Variants in STAC observed in about 807,000 individuals in gnomAD.
The protein encoded by STAC is SH3 and cysteine rich domain, also known as SH3 and cysteine-rich domain-containing protein.
A neutral mutation model predicts 48.8 loss-of-function variants in STAC; 43 were observed. The observed-to-expected ratio is 0.88, with a 90% CI of 0.69 to 1.14. The LOEUF (loss-of-function observed/expected upper bound fraction) is 1.14. STAC is among the 50% of genes most tolerant of loss of function. The probability of loss-of-function intolerance (pLI) is 0.00; values close to 1 mark genes in which losing one functional copy is unlikely to be tolerated. For missense variants in STAC, 497 were observed against 504.0 expected (o/e 0.99, Z 0.13); for synonymous variants, 193 against 179.5 (o/e 1.07, Z -0.60).
chr3:36,437,036 C>G (rs1559490691), intron 1 of STAC, among the ~76,000 whole-genome samples: 1 of 151,930 alleles, frequency 6.6e-6, no homozygotes. Context: ...TGCTCACCAT[C>G]ACTGGCCATC....
chr3:36,522,782 G>A (rs1235756750), intron 8 of STAC, among the ~76,000 whole-genome samples: 1 of 152,180 alleles, frequency 6.6e-6, no homozygotes, highest in Non-Finnish European at 1.5e-5. Context: ...CATCTGGAGG[G>A]TGTCGTGTCT....
chr3:36,493,136 C>A lies in STAC; in HGVS notation c.688-15C>A, dbSNP rs1260524353. ...TAACATTGTTCATCCCATGCTCTTTCTTCTTTCCTCCAAGACTTCAGATCT... is the reference window on the plus strand; with the variant it reads ...TAACATTGTTCATCCCATGCTCTTTATTCTTTCCTCCAAGACTTCAGATCT... On this transcript the variant is annotated splice_polypyrimidine_tract_variant and intron_variant, in intron 5 of 10. Transcript: ENST00000273183. 6.2e-7 allele frequency: 1 copy of A among 1,605,124 alleles called. No homozygotes were observed. The highest frequency in any genetic ancestry group is 8.5e-7 in the Non-Finnish European group (1 of 1,175,110).
Position 36,450,902 on chromosome 3 carries a change from T to C in STAC, c.388+7262T>C, listed in dbSNP as rs542692495. Among the ~76,000 whole-genome samples the C allele has an allele frequency of 3.0e-4, 46 of 152,326 alleles. 1 individual carries two copies. In the South Asian group the frequency reaches 9.3e-3, roughly 31 times the overall value. On this transcript the variant is annotated intron_variant, in intron 2 of 10. Coordinates refer to ENST00000273183, the MANE Select transcript of STAC (RefSeq NM_003149.3). ...AAGATTTCCACCTTAGTTTTTTTCA[T>C]GTTTGTTTGATAGGCCTTTATCTAC...
At chr3:36,534,708 T>A (rs1699156540) in intron 10 of STAC, among the ~76,000 whole-genome samples, 1 of 152,082 alleles carries the variant, frequency 6.6e-6, no homozygotes, top group African/African-American at 2.4e-5. Context: ...TTCCTCCTCC[T>A]CCTTGTTGTT....
At chr3:36,428,233 A>G (rs1177289382) in intron 1 of STAC, among the ~76,000 whole-genome samples, 3 of 152,210 alleles carry the variant, frequency 2.0e-5, no homozygotes, top group South Asian at 4.1e-4. Flanking sequence ...TTAATTTACT[A>G]TGTTGTATTT....
At chr3:36,535,666 T>G (rs1268078197) in intron 10 of STAC, among the ~76,000 whole-genome samples, 1 of 152,162 alleles carries the variant, frequency 6.6e-6, no homozygotes, top group Non-Finnish European at 1.5e-5. Context: ...TTATTGAGAG[T>G]TTTTAAAATG....
intron 2 of STAC, among the ~76,000 whole-genome samples, chr3:36,454,061 CTG>C (rs1305130922): frequency 2.0e-5 from 3 of 152,156 alleles, no homozygotes; most frequent in Non-Finnish European, 1.5e-5. Context: ...AACAGACCCT[CTG>C]GGCTCTACCA....
chr3:36,523,987 G>C (rs1255291413), intron 8 of STAC, among the ~76,000 whole-genome samples: 3 of 152,200 alleles, frequency 2.0e-5, no homozygotes, highest in Non-Finnish European at 4.4e-5. Context: ...GTGGGAGTCA[G>C]GGTAACAGGA....
intron 1 of STAC, among the ~76,000 whole-genome samples, chr3:36,413,723 T>C (rs1700249734): frequency 6.6e-6 from 1 of 152,186 alleles, no homozygotes. Context: ...CATTATGATG[T>C]TAGCTGGTTA....
At chr3:36,533,326 T>C (rs576450456) in intron 10 of STAC, among the ~76,000 whole-genome samples, 178 of 152,306 alleles carry the variant, frequency 1.2e-3, no homozygotes, top group South Asian at 4.4e-3. Flanking sequence ...TTTTCCCAGC[T>C]TGATTCCATG....
intron 6 of STAC, among the ~76,000 whole-genome samples, chr3:36,494,617 C>A (rs961680032): frequency 1.3e-5 from 2 of 152,180 alleles, no homozygotes; most frequent in African/African-American, 4.8e-5. Flanking sequence ...GATTTTCCTT[C>A]CTAAATAAGT....
chr3:36,470,752 C>T (rs1697310644), intron 2 of STAC, among the ~76,000 whole-genome samples: 1 of 152,212 alleles, frequency 6.6e-6, no homozygotes, highest in Non-Finnish European at 1.5e-5. Flanking sequence ...GCAAGCTAGT[C>T]CTGCCTCCTG....
At chr3:36,515,227 TAACAATGGTTTTAAGACAA>T (rs1270393736) in intron 8 of STAC, among the ~76,000 whole-genome samples, 1 of 152,056 alleles carries the variant, frequency 6.6e-6, no homozygotes, top group Non-Finnish European at 1.5e-5. Flanking sequence ...CATTCACAAA[TAACAATGGTTTTAAGACAA>T]CTTGGAAGAA....
intron 8 of STAC, among the ~76,000 whole-genome samples, chr3:36,515,270 T>C (rs543181299): frequency 1.3e-5 from 2 of 152,204 alleles, no homozygotes; most frequent in Admixed American, 1.3e-4. Context: ...CTGCTAAGCC[T>C]TTACTGAAGC....
intron 1 of STAC, among the ~76,000 whole-genome samples, chr3:36,421,053 TA>T (rs1262243203): frequency 7.9e-5 from 12 of 152,352 alleles, no homozygotes; most frequent in African/African-American, 2.9e-4. Flanking sequence ...TGAAGAGATC[TA>T]AGATTTCTTT....
rs1699448970 is a variant in STAC at position 36,546,417 on chromosome 3, CA to C, written c.*130del. ...CCCCAGGAAACAGTGAGACAAGAAT[CA>C]AGTATCTGAGACTGTGGAGTAATAG... On this transcript the variant is annotated 3_prime_UTR_variant, in exon 11 of 11. Coordinates refer to ENST00000273183, the MANE Select transcript of STAC (RefSeq NM_003149.3). 3.9e-6 allele frequency: 3 copies of C among 771,986 alleles called. No homozygotes were observed. Among genetic ancestry groups the C allele is most frequent in the East Asian group, 2.6e-5 (1 of 38,618 alleles). The allele number at this position is 771,986 out of a possible 1,614,324, so 47.8% of individuals were successfully genotyped here. A position where few individuals can be genotyped will look rare whatever the true frequency, so the allele number is the denominator to read the frequency against.
At chr3:36,431,664 A>G (rs145655381) in intron 1 of STAC, among the ~76,000 whole-genome samples, 2,611 of 152,260 alleles carry the variant, frequency 0.017, 39 homozygotes, top group Non-Finnish European at 0.026. Context: ...AATTTACTGA[A>G]GAATTTGAGG....
rs531933201 is a variant in STAC at position 36,520,383 on chromosome 3, C to T, written c.921-8313C>T. On this transcript the variant is annotated intron_variant, in intron 8 of 10. Transcript: ENST00000273183. Reference sequence around the variant, plus strand: ...CAACTGTGACTTATCCAAAGATAGGCAGTGGGCCAGTGGCAGACTCAAAAA... The same window carrying T: ...CAACTGTGACTTATCCAAAGATAGGTAGTGGGCCAGTGGCAGACTCAAAAA... 2.6e-5 allele frequency among the ~76,000 whole-genome samples: 4 copies of T among 152,290 alleles called. No individual in the cohort carries two copies. The South Asian group carries it at 8.3e-4, about 32-fold the overall frequency.
At chr3:36,509,976 A>G (rs1051768374) in intron 8 of STAC, among the ~76,000 whole-genome samples, 2 of 152,188 alleles carry the variant, frequency 1.3e-5, no homozygotes, top group African/African-American at 4.8e-5. Flanking sequence ...TAATGAAACT[A>G]AAGAGTTTGT....
Sources: gnomAD v4.1 joint callset for allele counts (sites outside exome capture counted in the v4.1 genomes callset) on GRCh38, gnomAD v4.1.1 for gene constraint, MANE v1.5 for transcripts, NCBI Gene and HGNC (gene_info 2026-07-23, HGNC 2026-07-21) for gene names.